Variants in SLC25A24 observed in about 807,000 individuals in gnomAD.
SLC25A24 encodes mitochondrial adenyl nucleotide antiporter SLC25A24.
Under a neutral mutation model 60.7 loss-of-function variants are expected in SLC25A24, and 49 were observed. That is an observed-to-expected ratio of 0.81 (90% CI 0.64 to 1.02). The LOEUF (loss-of-function observed/expected upper bound fraction) is 1.02. Ranked by LOEUF, SLC25A24 falls within the 50% of genes least tolerant of loss-of-function variation. The pLI is 0.00. For missense variants in SLC25A24, 564 were observed against 586.3 expected (o/e 0.96, Z 0.39); for synonymous variants, 202 against 200.6 (o/e 1.01, Z -0.06).
rs370060381 is a variant in SLC25A24 at position 108,199,939 on chromosome 1, C to A, written c.183+17G>T. 3.6e-4 allele frequency: 573 copies of A among 1,593,274 alleles called. 2 individuals carry two copies. The African/African-American group carries it at 7.1e-3, about 20-fold the overall frequency. ...CAGCCCTCCCTACGCTCAGGCGGCG[C>A]CCCGGCGGCGACCCACCTCCTCGGC... On this transcript the variant is annotated intron_variant, in intron 1 of 9. Coordinates refer to ENST00000565488, the MANE Select transcript of SLC25A24 (RefSeq NM_013386.5).
In SLC25A24 at chr1:108,172,182, G is replaced by C. The variant is rs545024107; in HGVS notation, c.398+9759C>G. 4.6e-5 allele frequency among the ~76,000 whole-genome samples: 7 copies of C among 152,304 alleles called. No homozygotes were observed. In the South Asian group the frequency reaches 1.2e-3, roughly 27 times the overall value. On this transcript the variant is annotated intron_variant, in intron 3 of 9. Transcript: ENST00000565488. Reference sequence around the variant, plus strand: ...ATATGTGAAACACATGTTTCAGAGGGAATGCCTGCTTCAGCTACTTCATAT... The same window carrying C: ...ATATGTGAAACACATGTTTCAGAGGCAATGCCTGCTTCAGCTACTTCATAT...
In SLC25A24 at chr1:108,200,142, C is replaced by G. The variant is rs1392177569; in HGVS notation, c.-4G>C. 1 of 1,545,418 alleles carries G rather than the reference C, an allele frequency of 6.5e-7. No individual in the cohort carries two copies. The highest frequency in any genetic ancestry group is 8.7e-7 in the Non-Finnish European group (1 of 1,147,400). On this transcript the variant is annotated 5_prime_UTR_variant, in exon 1 of 10. Transcript: ENST00000565488. ...AGTCCCGCAGCCAGCGCAACATGGT[C>G]CCAGAGGCGCAGGCGGCCTGGCCGA...
At chr1:108,180,236 G>A (rs1376455998) in intron 3 of SLC25A24, among the ~76,000 whole-genome samples, 6 of 151,834 alleles carry the variant, frequency 4.0e-5, no homozygotes, top group Non-Finnish European at 7.4e-5. Context: ...GTGGTGGCGC[G>A]TGCCTATAGT....
chr1:108,167,395 T>C (rs705300), intron 3 of SLC25A24, among the ~76,000 whole-genome samples: 30,181 of 151,954 alleles, frequency 0.2, 3,113 homozygotes, highest in Admixed American at 0.22. Context: ...CCAGCCTCGC[T>C]GCCGCCTTGC....
chr1:108,156,063 A>G (rs1679890037), intron 5 of SLC25A24, among the ~76,000 whole-genome samples: 1 of 152,090 alleles, frequency 6.6e-6, no homozygotes, highest in African/African-American at 2.4e-5. Context: ...CTGCACACCA[A>G]AGGCTCAGGT....
At chr1:108,165,576 T>C (rs1042256895) in intron 3 of SLC25A24, among the ~76,000 whole-genome samples, 2 of 152,200 alleles carry the variant, frequency 1.3e-5, no homozygotes, top group African/African-American at 4.8e-5. Context: ...CTGATCTTTG[T>C]TGGTTTAAAG....
chr1:108,144,770 T>C (rs1182536756), intron 7 of SLC25A24, among the ~76,000 whole-genome samples: 5 of 152,234 alleles, frequency 3.3e-5, no homozygotes, highest in Admixed American at 2.0e-4. Context: ...TCATCCTTGT[T>C]TATGGCTGCA....
rs548536213 is a variant in SLC25A24 at position 108,177,947 on chromosome 1, G to T, written c.398+3994C>A. Among the ~76,000 whole-genome samples the T allele has an allele frequency of 2.6e-5, 4 of 152,280 alleles. No homozygotes were observed. In the South Asian group the frequency reaches 8.3e-4, roughly 32 times the overall value. ...TGGGAGGCCAAGGCGGGTGGATCAT[G>T]AAGTCAAGAGATCAAGACCATCCTG... On this transcript the variant is annotated intron_variant, in intron 3 of 9. Transcript: ENST00000565488.
chr1:108,172,608 C>T (rs951712373), intron 3 of SLC25A24, among the ~76,000 whole-genome samples: 4 of 152,214 alleles, frequency 2.6e-5, no homozygotes, highest in Admixed American at 6.5e-5. Flanking sequence ...GATCCACTCT[C>T]GTGACCCAAG....
intron 3 of SLC25A24, among the ~76,000 whole-genome samples, chr1:108,172,143 A>C (rs1490693477): frequency 6.6e-6 from 1 of 152,188 alleles, no homozygotes; most frequent in Non-Finnish European, 1.5e-5. Flanking sequence ...ATGAGAGCAG[A>C]AGATAATTAT....
At chr1:108,156,749 C>T (rs1306702126) in intron 5 of SLC25A24, among the ~76,000 whole-genome samples, 1 of 152,156 alleles carries the variant, frequency 6.6e-6, no homozygotes, top group Non-Finnish European at 1.5e-5. Flanking sequence ...TTCTTATCCC[C>T]ATCCCAGAAT....
intron 8 of SLC25A24, among the ~76,000 whole-genome samples, chr1:108,141,926 C>T (rs1050685775): frequency 2.0e-5 from 3 of 152,104 alleles, no homozygotes; most frequent in Admixed American, 2.0e-4. Context: ...TTCTAGAGAT[C>T]TGTTGCACAA....
intron 6 of SLC25A24, 24 bp from the exon 7 acceptor site, chr1:108,148,410 C>G: frequency 7.7e-7 from 1 of 1,292,318 alleles, no homozygotes; most frequent in Non-Finnish European, 1.1e-6. Context: ...TTTTAAAATG[C>G]ACATTACTAC....
chr1:108,157,675 G>A, intron 4 of SLC25A24, 55 bp from the exon 5 acceptor site: 1 of 1,568,630 alleles, frequency 6.4e-7, no homozygotes, highest in Non-Finnish European at 8.7e-7. Context: ...AATCCCAGAA[G>A]ACGTTTTGTT....
At chr1:108,151,514 C>T (rs1474288861) in intron 6 of SLC25A24, among the ~76,000 whole-genome samples, 1 of 152,166 alleles carries the variant, frequency 6.6e-6, no homozygotes, top group Non-Finnish European at 1.5e-5. Context: ...CCCATGAAAC[C>T]GTTTCCTTCC....
chr1:108,194,232 T>A lies in SLC25A24; in HGVS notation c.183+5724A>T, dbSNP rs1648428239. ...CACCATGGTTAGTCAAAAAAACTACTGTACGCTTCTCAGTAAACATTTTCC... is the reference window on the plus strand; with the variant it reads ...CACCATGGTTAGTCAAAAAAACTACAGTACGCTTCTCAGTAAACATTTTCC... On this transcript the variant is annotated intron_variant, in intron 1 of 9. Transcript: ENST00000565488. Among the ~76,000 whole-genome samples the A allele has an allele frequency of 2.2e-5, 3 of 138,458 alleles. 1 individual carries two copies. In the South Asian group the frequency reaches 8.3e-4, roughly 39 times the overall value. The allele number at this position is 138,458 out of a possible 152,430, so 90.8% of individuals were successfully genotyped here. A position where few individuals can be genotyped will look rare whatever the true frequency, so the allele number is the denominator to read the frequency against.
At chr1:108,149,736 C>A (rs1398634792) in intron 6 of SLC25A24, among the ~76,000 whole-genome samples, 1 of 152,084 alleles carries the variant, frequency 6.6e-6, no homozygotes, top group Non-Finnish European at 1.5e-5. Context: ...TGGACTCATG[C>A]ATGGAGAAGG....
chr1:108,160,204 G>A (rs994712083), intron 4 of SLC25A24, among the ~76,000 whole-genome samples: 1 of 152,070 alleles, frequency 6.6e-6, no homozygotes, highest in African/African-American at 2.4e-5. Context: ...CTCAGACGGG[G>A]CGGCCGAGCA....
At chr1:108,166,770 G>A (rs1309259853) in intron 3 of SLC25A24, among the ~76,000 whole-genome samples, 8 of 152,126 alleles carry the variant, frequency 5.3e-5, no homozygotes, top group South Asian at 2.1e-4. Flanking sequence ...TAATTTGATC[G>A]TCTGAAGCCT....
Sources: gnomAD v4.1 joint callset for allele counts (sites outside exome capture counted in the v4.1 genomes callset) on GRCh38, gnomAD v4.1.1 for gene constraint, MANE v1.5 for transcripts, NCBI Gene and HGNC (gene_info 2026-07-23, HGNC 2026-07-21) for gene names.